Variants in TMX3 observed in about 807,000 individuals in gnomAD.
The protein encoded by TMX3 is protein disulfide-isomerase TMX3.
A neutral mutation model predicts 64.4 loss-of-function variants in TMX3; 40 were observed. The observed-to-expected ratio is 0.62, with a 90% confidence interval of 0.48 to 0.81. The LOEUF (loss-of-function observed/expected upper bound fraction) is 0.81, where lower values mean the gene tolerates loss of function less well. TMX3 is among the 30% of genes least tolerant of loss of function. The pLI, the probability that TMX3 is intolerant of heterozygous loss-of-function variation, is 0.00. For missense variants in TMX3, 497 were observed against 534.5 expected (o/e 0.93, Z 0.69); for synonymous variants, 189 against 175.7 (o/e 1.08, Z -0.60).
intron 10 of TMX3, chr18:68,686,883 A>T (rs1045729462): frequency 1.0e-6 from 1 of 985,244 alleles, no homozygotes; most frequent in African/African-American, 1.7e-5. Flanking sequence ...AAAACGTTAC[A>T]AACAGGAGAA....
chr18:68,693,320 A>T (rs1457458872), intron 8 of TMX3, among the ~76,000 whole-genome samples: 1 of 152,058 alleles, frequency 6.6e-6, no homozygotes, highest in Non-Finnish European at 1.5e-5. Context: ...CCTACCTGCT[A>T]CCAAGTTCGT....
At chr18:68,697,668 C>T in intron 7 of TMX3, 1 of 411,950 alleles carries the variant, frequency 2.4e-6, no homozygotes, top group Non-Finnish European at 4.3e-6. Flanking sequence ...AAAAGCAACA[C>T]AAGACTTAAA....
At chr18:68,709,906 A>T in intron 4 of TMX3, 115 bp downstream of exon 4, 1 of 929,446 alleles carries the variant, frequency 1.1e-6, no homozygotes, top group Non-Finnish European at 1.5e-6. Context: ...TTAAATTATT[A>T]AGTTAATTGA....
Position 68,684,224 on chromosome 18 carries a change from C to T in TMX3, c.814G>A (p.Glu272Lys), listed in dbSNP as rs879398540. Residue 272 changes from glutamate to lysine, a missense_variant, in exon 12 of 16, where the codon GAA becomes AAA. Glu to Lys is a moderately conservative substitution (Grantham distance 56, BLOSUM62 1). This residue lies in a region of TMX3 where 360 missense variants were observed against 383.5 expected (regional missense o/e 0.94). Coordinates refer to ENST00000299608, the MANE Select transcript of TMX3 (RefSeq NM_019022.5). Reference sequence around the variant, plus strand: ...AGGTCTCTGTAATCTCTTGCAACTTCCTGAATAATTGACTTCAATCTGTAG... The same window carrying T: ...AGGTCTCTGTAATCTCTTGCAACTTTCTGAATAATTGACTTCAATCTGTAG... ...EHTRLKSIIQ[E>K]VARDYRDLFH... 1.5e-5 allele frequency: 24 copies of T among 1,611,948 alleles called. No individual in the cohort carries two copies. Among genetic ancestry groups the T allele is most frequent in the Non-Finnish European group, 1.9e-5 (22 of 1,178,696 alleles).
rs2031089813 is a variant in TMX3 at position 68,709,882 on chromosome 18, T to TA, written c.265+138dup. On this transcript the variant is annotated intron_variant, in intron 4 of 15. Transcript: ENST00000299608. ...TTCAATGGCTAATTCATTTAACTCA[T>TA]AAAGTATACAGTCTTAAATTATTAA... 11 of 697,218 alleles carry TA rather than the reference T, an allele frequency of 1.6e-5. 1 individual carries two copies. In the South Asian group the frequency reaches 3.4e-4, roughly 21 times the overall value. The allele number at this position is 697,218 out of a possible 1,614,324, so 43.2% of individuals were successfully genotyped here. A position where few individuals can be genotyped will look rare whatever the true frequency, so the allele number is the denominator to read the frequency against.
At chr18:68,698,899 G>A (rs1915389039) in intron 6 of TMX3, among the ~76,000 whole-genome samples, 1 of 73,888 alleles carries the variant, frequency 1.4e-5, no homozygotes, top group African/African-American at 3.2e-5. Context: ...GCGGGCGCCT[G>A]TAGTCCCAGC....
At position 68,675,909 on chromosome 18, in the gene TMX3, C is replaced by G. The variant is rs1912889462; in HGVS notation, c.*1024G>C. 6.6e-6 allele frequency: 1 copy of G among 152,052 alleles called. No homozygotes were observed. The highest frequency in any genetic ancestry group is 1.5e-5 in the Non-Finnish European group (1 of 68,016). The allele number at this position is 152,052 out of a possible 1,614,324, so 9.4% of individuals were successfully genotyped here. A position where few individuals can be genotyped will look rare whatever the true frequency, so the allele number is the denominator to read the frequency against. On this transcript the variant is annotated 3_prime_UTR_variant, in exon 16 of 16. Transcript: ENST00000299608. ...GACTTGTCACTGGACATGCTAATGTCAGTCGTTACTCCTTATGAAGCAGAC... is the reference window on the plus strand; with the variant it reads ...GACTTGTCACTGGACATGCTAATGTGAGTCGTTACTCCTTATGAAGCAGAC...
intron 9 of TMX3, 96 bp downstream of exon 9, chr18:68,691,198 GA>G (rs1373373498): frequency 1.3e-5 from 10 of 761,162 alleles, no homozygotes. Context: ...TATTCTCATT[GA>G]ACAGTAGAAG....
intron 4 of TMX3, among the ~76,000 whole-genome samples, chr18:68,709,453 A>G (rs2031044159): frequency 6.6e-6 from 1 of 152,170 alleles, no homozygotes; most frequent in African/African-American, 2.4e-5. Flanking sequence ...ACAAATAGCT[A>G]TGCTTCAATC....
At chr18:68,683,048 G>T in intron 12 of TMX3, 67 bp from the exon 13 acceptor site, 2 of 1,402,448 alleles carry the variant, frequency 1.4e-6, no homozygotes, top group Non-Finnish European at 2.0e-6. Context: ...GAGAGAGAAA[G>T]CTCATTAAAT....
intron 2 of TMX3, 26 bp from the exon 3 acceptor site, chr18:68,711,429 G>T: frequency 6.5e-7 from 1 of 1,550,376 alleles, no homozygotes; most frequent in East Asian, 2.3e-5. Flanking sequence ...ACAAATGTTT[G>T]ATTGTATGTT....
In TMX3 at chr18:68,710,001, T is replaced by C. The variant is rs966887556; in HGVS notation, c.265+20A>G. 5.1e-6 allele frequency: 8 copies of C among 1,565,240 alleles called. No individual in the cohort carries two copies. The East Asian group carries it at 1.9e-4, about 36-fold the overall frequency. ...TTTTGCTGTGAGAACAGTAAAATAATAAACTAAGTGAAGGCTTACTAGAAT... is the reference window on the plus strand; with the variant it reads ...TTTTGCTGTGAGAACAGTAAAATAACAAACTAAGTGAAGGCTTACTAGAAT... On this transcript the variant is annotated intron_variant, in intron 4 of 15. Coordinates refer to ENST00000299608, the MANE Select transcript of TMX3 (RefSeq NM_019022.5).
chr18:68,687,270 A>G, intron 10 of TMX3: 1 of 985,422 alleles, frequency 1.0e-6, no homozygotes, highest in Non-Finnish European at 1.2e-6. Flanking sequence ...ACTTGAAGAA[A>G]CCATGCCAAT....
chr18:68,712,138 T>C (rs557439859), intron 2 of TMX3, among the ~76,000 whole-genome samples: 20 of 152,226 alleles, frequency 1.3e-4, no homozygotes, highest in Non-Finnish European at 2.4e-4. Flanking sequence ...ACAAAGGTGG[T>C]CTTGTAGGGC....
intron 10 of TMX3, 88 bp downstream of exon 10, chr18:68,687,579 C>A: frequency 1.3e-6 from 2 of 1,527,084 alleles, no homozygotes; most frequent in Non-Finnish European, 1.8e-6. Flanking sequence ...AGAAATAGAG[C>A]TTAAATTCAT....
intron 8 of TMX3, chr18:68,697,021 T>A (rs1039652174): frequency 2.4e-6 from 1 of 408,914 alleles, no homozygotes; most frequent in African/African-American, 2.1e-5. Context: ...ATGCTACGAA[T>A]CTGATGGTAT....
At chr18:68,677,218 G>T in intron 15 of TMX3, 25 bp from the exon 16 acceptor site, 1 of 1,601,170 alleles carries the variant, frequency 6.2e-7, no homozygotes, top group Non-Finnish European at 8.5e-7. Context: ...TTAAAACTCA[G>T]TTCCCTTCAC....
chr18:68,710,044 T>G lies in TMX3; in HGVS notation c.242A>C (p.Lys81Thr). 1 of 1,590,486 alleles carries G rather than the reference T, an allele frequency of 6.3e-7. No homozygotes were observed. The highest frequency in any genetic ancestry group is 8.5e-7 in the Non-Finnish European group (1 of 1,169,692). ...KSIGSPVKVG[K>T]MDATSYSSIA... is the part of the protein sequence containing the mutation. ...ACTAGAATAGGAAGTAGCATCCATC[T>G]TTCCAACCTTAACTGGAGAACCAAT... The change falls in exon 4 of 16, where the codon AAG becomes ACG. Residue 81 changes from lysine to threonine, a missense_variant. Lys to Thr is a moderately conservative substitution (Grantham distance 78). Coordinates refer to ENST00000299608, the MANE Select transcript of TMX3 (RefSeq NM_019022.5).
intron 10 of TMX3, 108 bp from the exon 11 acceptor site, chr18:68,684,593 A>C: frequency 3.4e-6 from 3 of 884,554 alleles, no homozygotes; most frequent in Non-Finnish European, 5.4e-6. Flanking sequence ...CTAGAATTTA[A>C]TTCCAATCAC....
Sources: allele counts gnomAD v4.1 joint callset (sites outside exome capture counted in the v4.1 genomes callset), GRCh38; gene constraint gnomAD v4.1.1; regional missense constraint gnomAD v4.1.1; transcripts MANE v1.5; gene names NCBI Gene and HGNC (gene_info 2026-07-23, HGNC 2026-07-21).